Variants in C2CD3 observed in about 807,000 individuals in gnomAD.
The protein encoded by C2CD3 is C2 domain-containing protein 3.
A neutral mutation model predicts 234.0 loss-of-function variants in C2CD3; 148 were observed. The ratio of observed to expected loss-of-function variants is 0.63; its 90% CI spans 0.55 to 0.72. The LOEUF (loss-of-function observed/expected upper bound fraction) is 0.72. C2CD3 is among the 30% of genes least tolerant of loss of function. The pLI is 0.00. For synonymous variants in C2CD3, 1,000 were observed against 1,035.4 expected (o/e 0.97, Z 0.66); for missense variants, 2,577 against 2,811.5 (o/e 0.92, Z 1.89).
At chr11:74,087,683 AGAGATGGCAGT>A (rs1955702503) in intron 20 of C2CD3, among the ~76,000 whole-genome samples, 1 of 152,234 alleles carries the variant, frequency 6.6e-6, no homozygotes, top group Admixed American at 6.5e-5. Flanking sequence ...GGGAACTTTC[AGAGATGGCAGT>A]GAGATGGCAG....
At chr11:74,026,730 G>A (rs1420963065) in intron 32 of C2CD3, among the ~76,000 whole-genome samples, 2 of 152,124 alleles carry the variant, frequency 1.3e-5, no homozygotes, top group Non-Finnish European at 2.9e-5. Context: ...AGCACTTTGG[G>A]AGGCTGAGGC....
At chr11:74,150,242 C>T (rs569501658) in intron 3 of C2CD3, among the ~76,000 whole-genome samples, 4 of 150,864 alleles carry the variant, frequency 2.7e-5, no homozygotes, top group South Asian at 2.1e-4. Context: ...CTTTGAGAGG[C>T]GAGGCAGGTG....
At chr11:74,124,625 A>C (rs1957342595) in intron 7 of C2CD3, among the ~76,000 whole-genome samples, 1 of 152,168 alleles carries the variant, frequency 6.6e-6, no homozygotes, top group Non-Finnish European at 1.5e-5. Context: ...CAAAGGTCAG[A>C]ACAGCTTCCT....
chr11:74,060,252 C>G (rs763193033), intron 24 of C2CD3, among the ~76,000 whole-genome samples: 6 of 152,232 alleles, frequency 3.9e-5, no homozygotes, highest in Non-Finnish European at 7.3e-5. Context: ...CCCTGTCTGA[C>G]AGCTTTGAAG....
chr11:74,071,432 T>C (rs1591388114), intron 24 of C2CD3, among the ~76,000 whole-genome samples: 1 of 152,234 alleles, frequency 6.6e-6, no homozygotes, highest in Non-Finnish European at 1.5e-5. Context: ...GCATAGAGTG[T>C]AGACCTATAG....
chr11:74,078,087 C>G (rs745881826), intron 23 of C2CD3, 28 bp downstream of exon 23: 3 of 1,596,286 alleles, frequency 1.9e-6, no homozygotes, highest in South Asian at 2.3e-5. Context: ...GCTCAAACTA[C>G]AAGAGTTGAA....
rs1306307365 is a variant in C2CD3, at chr11:74,100,506, TC to T, written c.2732+18del. On this transcript the variant is annotated intron_variant, in intron 15 of 32. Transcript: ENST00000334126. ...GTTAAAGATGCACAATAAAGAATAC[TC>T]CAAAAGGTCCTATTTACTTGAATGA... 17 of 1,594,404 alleles carry T rather than the reference TC, an allele frequency of 1.1e-5. No homozygotes were observed. The highest frequency in any genetic ancestry group is 1.4e-5 in the Non-Finnish European group (17 of 1,173,416).
intron 3 of C2CD3, among the ~76,000 whole-genome samples, chr11:74,149,185 T>G (rs1197768436): frequency 6.6e-6 from 1 of 152,190 alleles, no homozygotes. Context: ...CATCCACTTG[T>G]TTCCTCCATC....
Position 74,138,967 on chromosome 11 carries a change from C to T in C2CD3, c.708G>A (p.Arg236=). The T allele has an allele frequency of 1.2e-6, 2 of 1,602,644 alleles. No homozygotes were observed. Among genetic ancestry groups the T allele is most frequent in the Admixed American group, 1.7e-5 (1 of 58,186 alleles). ...CTGCAAAGCATACATGGTCTTTTCC[C>T]CTGTTTTTTTAAAAAGGGAGAACAT... ...AANSSRSTTP[R]GKDHVCFAEN... is the part of the protein sequence containing the mutation. The change falls in exon 5 of 33, where the codon AGG becomes AGA. Residue 236 remains arginine (R), a splice_region_variant and synonymous_variant. Transcript: ENST00000334126.
rs1857156956 is a variant in C2CD3 at position 74,170,828 on chromosome 11, G to A, written c.-36C>T. ...AGCTCTTCTTCACCAGCTCAACTCC[G>A]TCTCCAGCACCTAAGCAGTATCCTC... is the stretch of plus-strand genomic sequence containing the variant. On this transcript the variant is annotated 5_prime_UTR_variant, in exon 1 of 33. In the 5' UTR this introduces an upstream ATG that the reference lacks. Coordinates refer to ENST00000334126, the MANE Select transcript of C2CD3 (RefSeq NM_001286577.2). The A allele has an allele frequency of 1.2e-6, 2 of 1,613,768 alleles. No individual in the cohort carries two copies. The highest frequency in any genetic ancestry group is 1.3e-5 in the African/African-American group (1 of 74,908).
chr11:74,014,157 C>A (rs1284078425), intron 32 of C2CD3, among the ~76,000 whole-genome samples: 1 of 152,178 alleles, frequency 6.6e-6, no homozygotes, highest in Non-Finnish European at 1.5e-5. Flanking sequence ...TCCTCTAACT[C>A]ATTTTTCTTT....
In C2CD3 at chr11:74,170,747, TG is replaced by T; in HGVS notation, c.45del (p.Arg18GlufsTer3). 6.2e-7 allele frequency: 1 copy of T among 1,614,246 alleles called. No individual in the cohort carries two copies. The highest frequency in any genetic ancestry group is 8.5e-7 in the Non-Finnish European group (1 of 1,180,044). ...KGQGSGGSRG[R>X]KKRGLSDISP... Reference sequence around the variant, plus strand: ...TGATCGCTCAGGTTACCTCTTTTTTTGCGCCCACGGCTGCCCCCAGACCCTT... The same window carrying T: ...TGATCGCTCAGGTTACCTCTTTTTTTCGCCCACGGCTGCCCCCAGACCCTT... On this transcript the variant is annotated frameshift_variant, in exon 1 of 33. Coordinates refer to ENST00000334126, the MANE Select transcript of C2CD3 (RefSeq NM_001286577.2). LOFTEE classifies it high-confidence loss of function.
At chr11:74,024,941 C>G (rs1211333078) in intron 32 of C2CD3, among the ~76,000 whole-genome samples, 1 of 152,044 alleles carries the variant, frequency 6.6e-6, no homozygotes, top group Non-Finnish European at 1.5e-5. Context: ...GTCATCCGAA[C>G]CAGGACCCAG....
rs535707618 is a variant in C2CD3, at chr11:74,169,659, A to G, written c.56-1046T>C. ...TTTCTACATATGGAAATGGTATAGCAAAAAGTGTATTCTGTTCTATGCTAT... is the reference window on the plus strand; with the variant it reads ...TTTCTACATATGGAAATGGTATAGCGAAAAGTGTATTCTGTTCTATGCTAT... On this transcript the variant is annotated intron_variant, in intron 1 of 32. Transcript: ENST00000334126. 6.6e-5 allele frequency among the ~76,000 whole-genome samples: 10 copies of G among 152,284 alleles called. No individual in the cohort carries two copies. The East Asian group carries it at 7.7e-4, about 12-fold the overall frequency.
intron 28 of C2CD3, among the ~76,000 whole-genome samples, chr11:74,047,510 G>A (rs1953441617): frequency 6.6e-6 from 1 of 152,216 alleles, no homozygotes; most frequent in Non-Finnish European, 1.5e-5. Flanking sequence ...ATCTCTTCAT[G>A]TGGTGATCAA....
At chr11:74,106,931 A>C (rs182379773) in intron 12 of C2CD3, among the ~76,000 whole-genome samples, 14 of 152,352 alleles carry the variant, frequency 9.2e-5, no homozygotes, top group Admixed American at 5.9e-4. Context: ...AACTGGCAAT[A>C]TGCTTTTGGA....
At chr11:74,166,229 G>A (rs1303461804) in intron 2 of C2CD3, among the ~76,000 whole-genome samples, 8 of 151,352 alleles carry the variant, frequency 5.3e-5, no homozygotes, top group East Asian at 2.0e-4. Flanking sequence ...AGAATGGCGT[G>A]AACCCAGGAA....
chr11:74,045,376 A>T (rs1953310503), intron 28 of C2CD3, among the ~76,000 whole-genome samples: 1 of 152,136 alleles, frequency 6.6e-6, no homozygotes. Flanking sequence ...TGCCTATTCC[A>T]TGTGCCTTGA....
At chr11:74,087,392 C>T (rs1426332460) in intron 20 of C2CD3, among the ~76,000 whole-genome samples, 1 of 151,990 alleles carries the variant, frequency 6.6e-6, no homozygotes, top group Non-Finnish European at 1.5e-5. Flanking sequence ...GACGAAACCC[C>T]ATCTCTACTA....
Sources: allele counts gnomAD v4.1 joint callset (sites outside exome capture counted in the v4.1 genomes callset), GRCh38; gene constraint gnomAD v4.1.1; transcripts MANE v1.5; gene names NCBI Gene and HGNC (gene_info 2026-07-23, HGNC 2026-07-21).